The following CNOT11 variants were observed in gnomAD, a reference collection of about 807,000 sequenced individuals.
The protein encoded by CNOT11 is CCR4-NOT transcription complex subunit 11.
CNOT11 carries 18 observed loss-of-function variants against 44.6 expected under a neutral mutation model. The observed-to-expected ratio is 0.40, with a 90% CI of 0.28 to 0.60. The LOEUF (loss-of-function observed/expected upper bound fraction) is 0.60, where lower values mean the gene tolerates loss of function less well. Among genes scored for constraint, CNOT11 ranks in the 20% least tolerant of loss-of-function variants. The pLI, the probability that CNOT11 is intolerant of heterozygous loss-of-function variation, is 0.38. For synonymous variants in CNOT11, 291 were observed against 270.9 expected (o/e 1.07, Z -0.73); for missense variants, 513 against 677.0 (o/e 0.76, Z 2.69).
intron 2 of CNOT11, among the ~76,000 whole-genome samples, chr2:101,260,618 G>A (rs1053897464): frequency 5.9e-5 from 9 of 152,114 alleles, no homozygotes; most frequent in Non-Finnish European, 4.4e-5. Flanking sequence ...AGTGGCATCC[G>A]TGGACCAAAG....
Position 101,257,822 on chromosome 2 carries a change from G to A in CNOT11, c.546G>A (p.Lys182=), listed in dbSNP as rs1482792226. ...TACCTCCTATAACTCCACCAGAAAA[G>A]TTTTTTCTTTCCCAGCTGATGCTGG... ...GFLPPITPPE[K]FFLSQLMLAP... The change falls in exon 2 of 7, where the codon AAG becomes AAA. Residue 182 remains lysine (K), a synonymous_variant. Transcript: ENST00000289382. 6.2e-7 allele frequency: 1 copy of A among 1,613,674 alleles called. No individual in the cohort carries two copies. The highest frequency in any genetic ancestry group is 8.5e-7 in the Non-Finnish European group (1 of 1,179,876).
rs182342339 is a variant in CNOT11, at chr2:101,261,645, C to A, written c.680-894C>A. On this transcript the variant is annotated intron_variant, in intron 2 of 6. Transcript: ENST00000289382. The stretch of plus-strand genomic sequence containing the variant: ...CACCATGCAAGTTACCTTACATCCT[C>A]TTCAGCATTTGGTAATGTCAAGTTT... Among the ~76,000 whole-genome samples the A allele has an allele frequency of 2.0e-5, 3 of 152,280 alleles. No individual in the cohort carries two copies. In the East Asian group the frequency reaches 5.8e-4, roughly 29 times the overall value.
At position 101,253,539 on chromosome 2, in the gene CNOT11, C is replaced by G; in HGVS notation, c.514+61C>G. 7.5e-7 allele frequency: 1 copy of G among 1,334,416 alleles called. No homozygotes were observed. The highest frequency in any genetic ancestry group is 9.8e-7 in the Non-Finnish European group (1 of 1,025,448). 82.7% of individuals were successfully genotyped at this position (1,334,416 alleles called of 1,614,324 possible). A position where few individuals can be genotyped will look rare whatever the true frequency, so the allele number is the denominator to read the frequency against. ...GTTAGATTCCGCAGCTTTCCACCTG[C>G]GCTGCTGGGAACTCACCTGAAAGGG... On this transcript the variant is annotated intron_variant, in intron 1 of 6. Transcript: ENST00000289382. The surrounding 1 kb of genome is among the most constrained non-coding windows in gnomAD (Gnocchi z 4.3).
At chr2:101,254,804 A>G (rs1296486704) in intron 1 of CNOT11, among the ~76,000 whole-genome samples, 1 of 152,084 alleles carries the variant, frequency 6.6e-6, no homozygotes, top group Non-Finnish European at 1.5e-5. Flanking sequence ...AGTTTGAGGC[A>G]GGAGGATCAC....
chr2:101,267,764 A>G (rs1312610127), intron 5 of CNOT11, among the ~76,000 whole-genome samples: 4 of 152,174 alleles, frequency 2.6e-5, no homozygotes, highest in Non-Finnish European at 5.9e-5. Context: ...GTTTATGTGC[A>G]GGGTGGCCAG....
At chr2:101,256,280 C>G (rs1681735111) in intron 1 of CNOT11, among the ~76,000 whole-genome samples, 1 of 152,092 alleles carries the variant, frequency 6.6e-6, no homozygotes, top group Non-Finnish European at 1.5e-5. Flanking sequence ...GTGTAGAAAT[C>G]TGGGTTTAAT....
At chr2:101,263,149 T>C (rs528226253) in intron 3 of CNOT11, among the ~76,000 whole-genome samples, 25 of 152,134 alleles carry the variant, frequency 1.6e-4, no homozygotes, top group Non-Finnish European at 2.5e-4. Context: ...GAGGCAGAAG[T>C]TGCAGGAGCC....
In CNOT11 at chr2:101,253,972, G is replaced by A. The variant is rs1048788387; in HGVS notation, c.514+494G>A. Among the ~76,000 whole-genome samples the A allele has an allele frequency of 5.3e-5, 8 of 152,214 alleles. No individual in the cohort carries two copies. Among genetic ancestry groups the A allele is most frequent in the Non-Finnish European group, 7.3e-5 (5 of 68,042 alleles). ...TAGCCTGTTAGGGATGGGGGCAGAG[G>A]ATAGAAAGTCTCAAATTGATGATCT... On this transcript the variant is annotated intron_variant, in intron 1 of 6. Coordinates refer to ENST00000289382, the MANE Select transcript of CNOT11 (RefSeq NM_017546.5). This position sits in a 1 kb window ranked among gnomAD's most constrained non-coding sequence, Gnocchi z 4.3.
intron 2 of CNOT11, 52 bp from the exon 3 acceptor site, chr2:101,262,487 C>T (rs947962423): frequency 7.1e-6 from 11 of 1,547,152 alleles, no homozygotes; most frequent in Non-Finnish European, 8.9e-6. Flanking sequence ...GGTAGCTTGT[C>T]TTTTCTCTCT....
chr2:101,258,096 C>A, intron 2 of CNOT11, 141 bp downstream of exon 2: 2 of 857,516 alleles, frequency 2.3e-6, no homozygotes, highest in Non-Finnish European at 3.4e-6. Flanking sequence ...AGTACTGGAT[C>A]TTAAATGGAA....
chr2:101,261,400 T>A (rs1232221311), intron 2 of CNOT11, among the ~76,000 whole-genome samples: 1 of 152,254 alleles, frequency 6.6e-6, no homozygotes, highest in Non-Finnish European at 1.5e-5. Flanking sequence ...CTGCAGTGGC[T>A]GCCCTTCATT....
At position 101,269,194 on chromosome 2, in the gene CNOT11, A is replaced by ATT. The variant is rs759153224; in HGVS notation, c.1336-12_1336-11dup. ...CTGCCAGGAAAATGAGCAGACTAAC[A>ATT]TTTTTTTTTTTCCTTTTTCAGAATC... On this transcript the variant is annotated intron_variant, in intron 6 of 6. Transcript: ENST00000289382. The surrounding 1 kb of genome is among the most constrained non-coding windows in gnomAD (Gnocchi z 4.8). 4.1e-6 allele frequency: 5 copies of ATT among 1,227,574 alleles called. No homozygotes were observed. Among genetic ancestry groups the ATT allele is most frequent in the Non-Finnish European group, 5.6e-6 (5 of 886,774 alleles). 76.0% of individuals were successfully genotyped at this position (1,227,574 alleles called of 1,614,324 possible).
chr2:101,253,057 G>GGA lies in CNOT11; in HGVS notation c.93_94insGA (p.Ser32GlufsTer31). The GGA allele has an allele frequency of 6.6e-7, 1 of 1,517,624 alleles. No individual in the cohort carries two copies. Among genetic ancestry groups the GGA allele is most frequent in the Non-Finnish European group, 8.8e-7 (1 of 1,138,380 alleles). 94.0% of individuals were successfully genotyped at this position (1,517,624 alleles called of 1,614,324 possible). A position where few individuals can be genotyped will look rare whatever the true frequency, so the allele number is the denominator to read the frequency against. ...GGGAAGCGGCAGGGTCGGCGTCCAG[G>GGA]AGCGGCTTCGGGGGCTCCGGCGGCG... is the stretch of plus-strand genomic sequence containing the variant. On this transcript the variant is annotated frameshift_variant, in exon 1 of 7. Coordinates refer to ENST00000289382, the MANE Select transcript of CNOT11 (RefSeq NM_017546.5). LOFTEE classifies it high-confidence loss of function. The surrounding 1 kb of genome is among the most constrained non-coding windows in gnomAD (Gnocchi z 4.3).
rs548449654 is a variant in CNOT11 at position 101,257,910 on chromosome 2, A to G, written c.634A>G (p.Met212Val). ...RQIALMDVGN[M>V]GQSVDISGLQ... ...GATTGCACTGATGGACGTTGGAAAC[A>G]TGGGCCAGTCTGTGGACATTAGTGG... The change falls in exon 2 of 7, where the codon ATG becomes GTG. Residue 212 changes from methionine to valine, a missense_variant. Met to Val is a conservative substitution (Grantham distance 21). Around this residue, in one of 4 missense-constraint regions of CNOT11, gnomAD observed 27 missense variants for 56.1 expected, o/e 0.48. Transcript: ENST00000289382. 77 of 1,614,146 alleles carry G rather than the reference A, an allele frequency of 4.8e-5. 1 individual carries two copies. The South Asian group carries it at 7.1e-4, about 15-fold the overall frequency.
chr2:101,253,184 A>C lies in CNOT11; in HGVS notation c.220A>C (p.Ile74Leu). 6.2e-7 allele frequency: 1 copy of C among 1,603,658 alleles called. No individual in the cohort carries two copies. The highest frequency in any genetic ancestry group is 8.5e-7 in the Non-Finnish European group (1 of 1,176,520). Residue 74 changes from isoleucine to leucine, a missense_variant, in exon 1 of 7, where the codon ATC becomes CTC. Physicochemically the swap from Ile to Leu is conservative, Grantham distance 5 (BLOSUM62 2). Around this residue, in one of 4 missense-constraint regions of CNOT11, gnomAD observed 259 missense variants for 265.7 expected, o/e 0.97. Transcript: ENST00000289382. This position sits in a 1 kb window ranked among gnomAD's most constrained non-coding sequence, Gnocchi z 4.3. The part of the protein sequence containing the change: ...TPKELSSLLS[I>L]ISEEAGGGST... ...GAAGGAGCTCTCGAGCCTGCTGAGCATCATATCGGAGGAGGCGGGCGGCGG... is the reference window on the plus strand; with the variant it reads ...GAAGGAGCTCTCGAGCCTGCTGAGCCTCATATCGGAGGAGGCGGGCGGCGG...
chr2:101,253,595 T>A lies in CNOT11; in HGVS notation c.514+117T>A, dbSNP rs529203602. On this transcript the variant is annotated intron_variant, in intron 1 of 6. Transcript: ENST00000289382. The surrounding 1 kb of genome is among the most constrained non-coding windows in gnomAD (Gnocchi z 4.3). ...AACTATCCCTGTGAAATGATCATCCTCTTTTTCCGCCTCTCTCTGCGTTCC... is the reference window on the plus strand; with the variant it reads ...AACTATCCCTGTGAAATGATCATCCACTTTTTCCGCCTCTCTCTGCGTTCC... 3 of 1,003,612 alleles carry A rather than the reference T, an allele frequency of 3.0e-6. No homozygotes were observed. Among genetic ancestry groups the A allele is most frequent in the Non-Finnish European group, 4.1e-6 (3 of 726,872 alleles). 62.2% of individuals were successfully genotyped at this position (1,003,612 alleles called of 1,614,324 possible).
At chr2:101,263,901 C>G (rs773242304) in intron 3 of CNOT11, among the ~76,000 whole-genome samples, 9 of 152,206 alleles carry the variant, frequency 5.9e-5, no homozygotes, top group Non-Finnish European at 1.3e-4. Flanking sequence ...CAAGAACTCT[C>G]TATCACATAA....
rs374036693 is a variant in CNOT11, at chr2:101,264,791, T to A, written c.833-54T>A. ...ACTTTATTAAGTGAAATGTGTGAGA[T>A]GTGTAGAGATGTTAGCTTCCTGATA... On this transcript the variant is annotated intron_variant, in intron 3 of 6. Coordinates refer to ENST00000289382, the MANE Select transcript of CNOT11 (RefSeq NM_017546.5). The A allele has an allele frequency of 9.2e-5, 122 of 1,331,494 alleles. No homozygotes were observed. The African/African-American group carries it at 1.5e-3, about 16-fold the overall frequency. The allele number at this position is 1,331,494 out of a possible 1,614,324, so 82.5% of individuals were successfully genotyped here.
intron 1 of CNOT11, among the ~76,000 whole-genome samples, chr2:101,256,765 T>G (rs1354264492): frequency 1.3e-5 from 2 of 152,180 alleles, no homozygotes; most frequent in African/African-American, 4.8e-5. Context: ...ATGCAGTTAT[T>G]GGGCCAGGCG....
Sources: allele counts gnomAD v4.1 joint callset (sites outside exome capture counted in the v4.1 genomes callset), GRCh38; gene constraint gnomAD v4.1.1; regional missense constraint gnomAD v4.1.1; non-coding constraint Gnocchi (gnomAD v3.1); transcripts MANE v1.5; gene names NCBI Gene and HGNC (gene_info 2026-07-23, HGNC 2026-07-21).